Variants in SLC30A7 observed in about 807,000 individuals in gnomAD.
SLC30A7 encodes the protein zinc transporter 7.
In SLC30A7, 35 loss-of-function variants were observed where a neutral mutation model predicts 46.0. The observed-to-expected ratio is 0.76, with a 90% CI of 0.58 to 1.01. The LOEUF (loss-of-function observed/expected upper bound fraction) is 1.01. Among genes scored for constraint, SLC30A7 ranks in the 50% least tolerant of loss-of-function variants. The pLI is 0.00. For synonymous variants in SLC30A7, 147 were observed against 157.8 expected (o/e 0.93, Z 0.51); for missense variants, 464 against 451.1 (o/e 1.03, Z -0.26).
At chr1:100,934,156 A>G (rs536306463) in intron 8 of SLC30A7, among the ~76,000 whole-genome samples, 123 of 152,308 alleles carry the variant, frequency 8.1e-4, no homozygotes, top group African/African-American at 2.7e-3. Flanking sequence ...GTGACACTCA[A>G]GTTTCTGGAC....
At position 100,948,689 on chromosome 1, in the gene SLC30A7, G is replaced by A. The variant is rs115790271; in HGVS notation, c.843-13139G>A. Among the ~76,000 whole-genome samples, 1,157 of 152,282 alleles carry A rather than the reference G, an allele frequency of 7.6e-3. 12 individuals carry two copies. Among genetic ancestry groups the A allele is most frequent in the African/African-American group, 0.026 (1,094 of 41,542 alleles). ...TCACTTTCAGGTATACTAGTCAAAC[G>A]TAGATTTAGTCTTTTCACGTAGTCC... On this transcript the variant is annotated intron_variant, in intron 8 of 10. Transcript: ENST00000357650.
chr1:100,972,669 C>T (rs1656225501), intron 10 of SLC30A7: 1 of 152,098 alleles, frequency 6.6e-6, no homozygotes, highest in Non-Finnish European at 1.5e-5. Flanking sequence ...TTTGTTTCCT[C>T]TTATGGTTTG....
At chr1:100,959,580 C>T (rs1213757915) in intron 8 of SLC30A7, among the ~76,000 whole-genome samples, 1 of 152,174 alleles carries the variant, frequency 6.6e-6, no homozygotes, top group East Asian at 1.9e-4. Context: ...TCTAGTATTT[C>T]TCAAGAAGTA....
At position 100,898,818 on chromosome 1, in the gene SLC30A7, C is replaced by T. The variant is rs114612626; in HGVS notation, c.182+2147C>T. Among the ~76,000 whole-genome samples the T allele has an allele frequency of 7.0e-3, 1,061 of 152,188 alleles. 20 individuals carry two copies. Among genetic ancestry groups the T allele is most frequent in the African/African-American group, 0.024 (1,017 of 41,534 alleles). On this transcript the variant is annotated intron_variant, in intron 2 of 10. Transcript: ENST00000357650. ...TTTCAGTTCCTTGATTAAATTTCTT[C>T]CAAAACTCATTTTGTGTATTAGTCA...
chr1:100,911,027 CAT>C (rs762201394), intron 3 of SLC30A7, 34 bp from the exon 4 acceptor site: 2 of 1,451,894 alleles, frequency 1.4e-6, no homozygotes, highest in Non-Finnish European at 9.6e-7. Context: ...TAAGAAATAA[CAT>C]AATAATTCAG....
chr1:100,981,719 CA>C lies in SLC30A7; in HGVS notation c.*6866del, dbSNP rs1484532781. On this transcript the variant is annotated 3_prime_UTR_variant, in exon 11 of 11. Transcript: ENST00000357650. ...ATTTAAAAAGAATCATGAACTGTAT[CA>C]AAATTCTTTCAATAAAATTTCTATT... The C allele has an allele frequency of 6.6e-6, 1 of 152,098 alleles. No homozygotes were observed. The highest frequency in any genetic ancestry group is 1.5e-5 in the Non-Finnish European group (1 of 68,010). The allele number at this position is 152,098 out of a possible 1,614,324, so 9.4% of individuals were successfully genotyped here. A position where few individuals can be genotyped will look rare whatever the true frequency, so the allele number is the denominator to read the frequency against.
chr1:100,955,487 A>G (rs769940841), intron 8 of SLC30A7, among the ~76,000 whole-genome samples: 1 of 152,020 alleles, frequency 6.6e-6, no homozygotes, highest in Non-Finnish European at 1.5e-5. Flanking sequence ...CTTTTTATTT[A>G]TGATAGGGAA....
the SLC30A7 span, chr1:100,995,046 T>C: frequency 8.6e-7 from 1 of 1,159,432 alleles, no homozygotes. Flanking sequence ...GTCATTTAAG[T>C]AGAATGTATT....
intron 8 of SLC30A7, among the ~76,000 whole-genome samples, chr1:100,927,488 G>A (rs1433938354): frequency 6.6e-6 from 1 of 151,978 alleles, no homozygotes; most frequent in Non-Finnish European, 1.5e-5. Flanking sequence ...GGGAGGGGAG[G>A]AAATGGAGAT....
chr1:100,953,644 A>C (rs993877642), intron 8 of SLC30A7, among the ~76,000 whole-genome samples: 1 of 152,190 alleles, frequency 6.6e-6, no homozygotes, highest in African/African-American at 2.4e-5. Flanking sequence ...TTAGCATTTC[A>C]ATACAAATGT....
In SLC30A7 at chr1:100,913,700, A is replaced by T. The variant is rs754913779; in HGVS notation, c.549A>T (p.Leu183=). The change falls in exon 6 of 11, where the codon CTA becomes CTT. Residue 183 remains leucine (L), a synonymous_variant. Transcript: ENST00000357650. ...GHSHSLFNGA[L]DQAHGHVDHC... Reference sequence around the variant, plus strand: ...GTCATTCCCTCTTTAATGGTGCTCTAGATCAGGCACATGGCCATGTCGATC... The same window carrying T: ...GTCATTCCCTCTTTAATGGTGCTCTTGATCAGGCACATGGCCATGTCGATC... 5 of 1,613,842 alleles carry T rather than the reference A, an allele frequency of 3.1e-6. No homozygotes were observed. Among genetic ancestry groups the T allele is most frequent in the Non-Finnish European group, 4.2e-6 (5 of 1,179,840 alleles).
intron 2 of SLC30A7, among the ~76,000 whole-genome samples, chr1:100,905,665 T>A (rs1255057870): frequency 1.3e-5 from 2 of 152,152 alleles, no homozygotes; most frequent in African/African-American, 4.8e-5. Context: ...TGATTCTTTC[T>A]CTCTGTGTCC....
intron 2 of SLC30A7, among the ~76,000 whole-genome samples, chr1:100,902,010 T>A (rs560458983): frequency 1.3e-5 from 2 of 152,328 alleles, no homozygotes; most frequent in African/African-American, 4.8e-5. Flanking sequence ...AAACATTTGC[T>A]AAGATTGAAT....
chr1:100,961,695 G>C, intron 8 of SLC30A7, 133 bp from the exon 9 acceptor site: 1 of 468,106 alleles, frequency 2.1e-6, no homozygotes, highest in Non-Finnish European at 3.8e-6. Flanking sequence ...ACAATGACTG[G>C]TTGATTGTTT....
At chr1:100,935,339 T>TA (rs1253754095) in intron 8 of SLC30A7, among the ~76,000 whole-genome samples, 1 of 152,256 alleles carries the variant, frequency 6.6e-6, no homozygotes, top group Non-Finnish European at 1.5e-5. Context: ...ATGTTTCTAA[T>TA]AGTTACATCC....
At chr1:100,987,144 C>G in the SLC30A7 span, among the ~76,000 whole-genome samples, 1 of 152,152 alleles carries the variant, frequency 6.6e-6, no homozygotes, top group South Asian at 2.1e-4. Flanking sequence ...TCCCTACTAC[C>G]ACCCTTGGTA....
At chr1:100,921,588 AT>A in intron 7 of SLC30A7, 117 bp from the exon 8 acceptor site, 1 of 692,528 alleles carries the variant, frequency 1.4e-6, no homozygotes. Context: ...ATGCTTACTT[AT>A]TTTTGAAGTT....
At chr1:100,931,060 C>T (rs995409515) in intron 8 of SLC30A7, among the ~76,000 whole-genome samples, 1 of 151,982 alleles carries the variant, frequency 6.6e-6, no homozygotes, top group African/African-American at 2.4e-5. Flanking sequence ...AGATGAGGAA[C>T]CCTAGTTAAA....
At chr1:100,918,389 A>G (rs897805823) in intron 7 of SLC30A7, among the ~76,000 whole-genome samples, 5 of 152,202 alleles carry the variant, frequency 3.3e-5, no homozygotes, top group Non-Finnish European at 7.3e-5. Flanking sequence ...CCACAATCCC[A>G]GCTACTCAGG....
Sources: allele counts gnomAD v4.1 joint callset (sites outside exome capture counted in the v4.1 genomes callset), GRCh38; gene constraint gnomAD v4.1.1; transcripts MANE v1.5; gene names NCBI Gene and HGNC (gene_info 2026-07-23, HGNC 2026-07-21).